USP9X: variants seen among roughly 807,000 people sequenced by gnomAD.
USP9X encodes ubiquitin carboxyl-terminal hydrolase 9X.
Under a neutral mutation model 190.3 loss-of-function variants are expected in USP9X, and 7 were observed. That is an observed-to-expected ratio of 0.04 (90% confidence interval 0.02 to 0.07). The LOEUF is 0.07. USP9X is among the 10% of genes least tolerant of loss of function. The pLI, the probability that USP9X is intolerant of heterozygous loss-of-function variation, is 1.00. For synonymous variants in USP9X, 645 were observed against 659.5 expected (o/e 0.98, Z 0.34); for missense variants, 1,010 against 1,916.9 (o/e 0.53, Z 8.83).
chrX:41,124,388 G>A (rs182466597), intron 2 of USP9X, among the ~76,000 whole-genome samples: 9 of 111,029 alleles, frequency 8.1e-5, no homozygotes, highest in African/African-American at 2.9e-4. Context: ...AGGTTGCAGT[G>A]AGCCGAGATG....
Position 41,125,643 on chromosome X carries a change from AACACACACAC to A in USP9X, c.96+1952_96+1961del, listed in dbSNP as rs748348083. On this transcript the variant is annotated intron_variant, in intron 2 of 44. Transcript: ENST00000378308. Reference sequence around the variant, plus strand: ...TCCCTCCCCCCACACCCCTCCCGCCAACACACACACACACACACACACACACACACACACA... The same window carrying A: ...TCCCTCCCCCCACACCCCTCCCGCCAACACACACACACACACACACACACA... 8.0e-3 allele frequency among the ~76,000 whole-genome samples: 221 copies of A among 27,680 alleles called. 3 individuals carry two copies. Among genetic ancestry groups the A allele is most frequent in the South Asian group, 0.031 (11 of 356 alleles). The allele number at this position is 27,680 out of a possible 115,157, so 24.0% of individuals were successfully genotyped here. A position where few individuals can be genotyped will look rare whatever the true frequency, so the allele number is the denominator to read the frequency against.
intron 14 of USP9X, among the ~76,000 whole-genome samples, chrX:41,161,635 C>CTT (rs759623425): frequency 0.098 from 4,625 of 47,307 alleles, 524 homozygotes; most frequent in Non-Finnish European, 0.12. Context: ...GGCGCCCTGC[C>CTT]TTTTTTTTTT....
intron 1 of USP9X, among the ~76,000 whole-genome samples, chrX:41,097,525 A>T (rs2062000439): frequency 8.9e-6 from 1 of 111,895 alleles, no homozygotes; most frequent in African/African-American, 3.3e-5. Context: ...GCCATTGATG[A>T]TTTACTGTAT....
chrX:41,120,456 TC>T, intron 1 of USP9X, among the ~76,000 whole-genome samples: 1 of 112,245 alleles, frequency 8.9e-6, no homozygotes, highest in East Asian at 2.8e-4. Flanking sequence ...TATCTGTTTT[TC>T]TACTTCTCCC....
In USP9X at chrX:41,170,022, T is replaced by A; in HGVS notation, c.2664T>A (p.Phe888Leu). The change falls in exon 19 of 45, where the codon TTT becomes TTA. Residue 888 changes from phenylalanine to leucine, a missense_variant. By Grantham distance (22) the Phe-to-Leu change is conservative (BLOSUM62 0). Around this residue, in one of 11 missense-constraint regions of USP9X, gnomAD observed 351 missense variants for 480.8 expected, o/e 0.73. Transcript: ENST00000378308. ...CATTCCGCGGTAAACACCTCTCTTT[T>A]GTAGTTCGATTTCCAAACCAGGGCA... ...SRAFRGKHLSFVVRFPNQGRQ... is the reference protein window; with the variant it reads ...SRAFRGKHLSLVVRFPNQGRQ... The A allele has an allele frequency of 8.3e-7, 1 of 1,211,750 alleles. No homozygotes were observed. Among genetic ancestry groups the A allele is most frequent in the Non-Finnish European group, 1.1e-6 (1 of 895,451 alleles).
At position 41,112,320 on chromosome X, in the gene USP9X, G is replaced by C. The variant is rs5963227; in HGVS notation, c.-158-11151G>C. ...TTCCCTGTTGTTTCCTTTTCTCCCC[G>C]TTTGAATTTATAGAGAACAACAGAT... On this transcript the variant is annotated intron_variant, in intron 1 of 44. Transcript: ENST00000378308. Among the ~76,000 whole-genome samples, 453 of 112,062 alleles carry C rather than the reference G, an allele frequency of 4.0e-3. 3 individuals carry two copies. The highest frequency in any genetic ancestry group is 9.2e-3 in the Middle Eastern group (2 of 218).
chrX:41,109,360 A>G (rs1346900738), intron 1 of USP9X, among the ~76,000 whole-genome samples: 1 of 112,135 alleles, frequency 8.9e-6, no homozygotes, highest in East Asian at 2.8e-4. Flanking sequence ...ATGCTTTGGA[A>G]AAGATGCTGA....
chrX:41,129,007 C>T lies in USP9X; in HGVS notation c.104C>T (p.Ser35Leu), dbSNP rs772817266. The change falls in exon 3 of 45, where the codon TCG (serine) becomes TTG (leucine). Residue 35 changes from serine to leucine, a missense_variant. Coordinates refer to ENST00000378308, the MANE Select transcript of USP9X (RefSeq NM_001039591.3). The stretch of plus-strand genomic sequence containing the variant: ...GTTTAATTTTTAATTAAGACTTCAT[C>T]GCCTGATTCTTCCAATGAAAATTCC... The part of the protein sequence containing the change: ...QPPLQQNQTS[S>L]PDSSNENSPA... 5 of 1,207,505 alleles carry T rather than the reference C, an allele frequency of 4.1e-6. No individual in the cohort carries two copies. The highest frequency in any genetic ancestry group is 2.2e-5 in the Admixed American group (1 of 45,365).
chrX:41,192,587 C>A, intron 26 of USP9X, among the ~76,000 whole-genome samples: 1 of 111,459 alleles, frequency 9.0e-6, no homozygotes, highest in Non-Finnish European at 1.9e-5. Context: ...GAAAAGGAGT[C>A]AAGGATAATA....
At chrX:41,189,744 A>G (rs927261604) in intron 26 of USP9X, 5 of 218,160 alleles carry the variant, frequency 2.3e-5, no homozygotes. Flanking sequence ...GCCTATTTCT[A>G]AAAATCTAGT....
intron 5 of USP9X, 91 bp from the exon 6 acceptor site, chrX:41,136,713 T>C (rs1379941168): frequency 3.2e-6 from 2 of 624,331 alleles, no homozygotes; most frequent in Non-Finnish European, 5.1e-6. Flanking sequence ...GAGATCGTTA[T>C]TTGTTAGGAT....
In USP9X at chrX:41,168,263, A is replaced by G. The variant is rs768132074; in HGVS notation, c.2636+45A>G. 7.6e-6 allele frequency: 8 copies of G among 1,047,621 alleles called. No individual in the cohort carries two copies. In the African/African-American group the frequency reaches 9.4e-5, roughly 12 times the overall value. 86.3% of individuals were successfully genotyped at this position (1,047,621 alleles called of 1,213,427 possible). ...ATTGGTGCTAATTCTTAATTATTTG[A>G]TATTTTCCTAGCCATTTGGTAAAAG... is the stretch of plus-strand genomic sequence containing the variant. On this transcript the variant is annotated intron_variant, in intron 18 of 44. Coordinates refer to ENST00000378308, the MANE Select transcript of USP9X (RefSeq NM_001039591.3).
chrX:41,218,277 T>C lies in USP9X; in HGVS notation c.6210-95T>C, dbSNP rs2063230290. 9.1e-6 allele frequency: 8 copies of C among 877,279 alleles called. No homozygotes were observed. In the Admixed American group the frequency reaches 2.4e-4, roughly 26 times the overall value. The allele number at this position is 877,279 out of a possible 1,213,427, so 72.3% of individuals were successfully genotyped here. ...TTCTCTCCAGCAGTAGAGGAAGATC[T>C]TTGTCTTTTTTTTTTGGTTCAATGA... On this transcript the variant is annotated intron_variant, in intron 36 of 44. Transcript: ENST00000378308.
intron 11 of USP9X, among the ~76,000 whole-genome samples, chrX:41,145,684 C>T (rs964040616): frequency 9.0e-6 from 1 of 111,506 alleles, no homozygotes; most frequent in African/African-American, 3.3e-5. Context: ...TATTTTTTAC[C>T]TGGGTACTAG....
At chrX:41,191,594 A>G (rs1232194595) in intron 26 of USP9X, among the ~76,000 whole-genome samples, 1 of 111,819 alleles carries the variant, frequency 8.9e-6, no homozygotes, top group Non-Finnish European at 1.9e-5. Flanking sequence ...TAACACTAAG[A>G]CTGAAGGTTT....
intron 28 of USP9X, 26 bp from the exon 29 acceptor site, chrX:41,197,338 C>T (rs750917847): frequency 1.8e-4 from 99 of 553,006 alleles, no homozygotes; most frequent in Middle Eastern, 4.5e-4. Flanking sequence ...TCTTCCCCCC[C>T]CCACCCCACC....
chrX:41,123,833 A>G (rs1212560648), intron 2 of USP9X, 109 bp downstream of exon 2: 1 of 749,108 alleles, frequency 1.3e-6, no homozygotes, highest in Non-Finnish European at 1.9e-6. Context: ...ACTTGAGGTC[A>G]AGAGTTTGAG....
chrX:41,101,350 C>T (rs2062032324), intron 1 of USP9X, among the ~76,000 whole-genome samples: 2 of 108,204 alleles, frequency 1.8e-5, no homozygotes, highest in Admixed American at 1.0e-4. Context: ...GAGGCTTAGG[C>T]GGGTGGATCA....
chrX:41,088,297 T>C (rs1055433085), intron 1 of USP9X, among the ~76,000 whole-genome samples: 13 of 112,407 alleles, frequency 1.2e-4, no homozygotes, highest in African/African-American at 4.2e-4. Flanking sequence ...TAGATCTTTT[T>C]TCTTCCAGAG....
Sources: allele counts gnomAD v4.1 joint callset (sites outside exome capture counted in the v4.1 genomes callset), GRCh38; gene constraint gnomAD v4.1.1; regional missense constraint gnomAD v4.1.1; transcripts MANE v1.5; gene names NCBI Gene and HGNC (gene_info 2026-07-23, HGNC 2026-07-21).